REPS1: variants seen among roughly 807,000 people sequenced by gnomAD.
REPS1 encodes RALBP1 associated Eps domain containing 1, also known as ralBP1-associated Eps domain-containing protein 1.
In REPS1, 39 loss-of-function variants were observed where a neutral mutation model predicts 100.9. The ratio of observed to expected loss-of-function variants is 0.39; its 90% confidence interval spans 0.30 to 0.50. REPS1 has a LOEUF of 0.50. Ranked by LOEUF, REPS1 falls within the 20% of genes least tolerant of loss-of-function variation. REPS1 has a pLI of 0.86. For missense variants in REPS1, 821 were observed against 968.5 expected (o/e 0.85, Z 2.02); for synonymous variants, 324 against 340.3 (o/e 0.95, Z 0.53).
At chr6:138,923,854 T>G (rs775390423) in intron 10 of REPS1, among the ~76,000 whole-genome samples, 6 of 152,234 alleles carry the variant, frequency 3.9e-5, no homozygotes, top group Non-Finnish European at 7.3e-5. Flanking sequence ...TAGTTTCTTT[T>G]TAATAGTCTG....
chr6:138,945,227 G>A lies in REPS1; in HGVS notation c.620C>T (p.Ala207Val). The stretch of plus-strand genomic sequence containing the variant: ...AATCAATCTCTAAATACCTGATTGT[G>A]CTTCACCAAAGGGAGACCAAAATGG... ...PGPFWSPFGE[A>V]QSGSSAGDAV... Residue 207 changes from alanine (A) to valine (V), a missense_variant, in exon 4 of 20, where the codon GCA (alanine) becomes GTA (valine). Around this residue, in one of 3 missense-constraint regions of REPS1, gnomAD observed 757 missense variants for 866.4 expected, o/e 0.87. Coordinates refer to ENST00000450536, the MANE Select transcript of REPS1 (RefSeq NM_001286611.2). 3.1e-6 allele frequency: 5 copies of A among 1,606,970 alleles called. No homozygotes were observed. The highest frequency in any genetic ancestry group is 4.2e-6 in the Non-Finnish European group (5 of 1,177,780).
intron 1 of REPS1, among the ~76,000 whole-genome samples, chr6:138,982,136 C>CA (rs918591011): frequency 6.6e-6 from 1 of 152,166 alleles, no homozygotes; most frequent in Non-Finnish European, 1.5e-5. Flanking sequence ...TCCAGAATAA[C>CA]AAACCTGAGA....
chr6:138,964,686 T>C (rs1489898532), intron 1 of REPS1, among the ~76,000 whole-genome samples: 1 of 152,022 alleles, frequency 6.6e-6, no homozygotes, highest in African/African-American at 2.4e-5. Flanking sequence ...ATTTCCTTTC[T>C]ATACAAGTAT....
chr6:138,982,295 A>C (rs1373277324), intron 1 of REPS1, among the ~76,000 whole-genome samples: 2 of 152,222 alleles, frequency 1.3e-5, no homozygotes, highest in Admixed American at 1.3e-4. Flanking sequence ...TTTCCCCATT[A>C]AATTTATGTG....
At chr6:138,964,401 G>A (rs893614291) in intron 1 of REPS1, among the ~76,000 whole-genome samples, 7 of 151,842 alleles carry the variant, frequency 4.6e-5, no homozygotes, top group Admixed American at 3.3e-4. Flanking sequence ...TATAGAACTT[G>A]AAAAATAAGA....
chr6:138,965,528 A>C, intron 1 of REPS1, among the ~76,000 whole-genome samples: 1 of 152,196 alleles, frequency 6.6e-6, no homozygotes. Context: ...AATAAAATTA[A>C]TTTGATCACT....
At chr6:138,941,536 C>A (rs1389846017) in intron 7 of REPS1, 47 bp from the exon 8 acceptor site, 2 of 1,527,682 alleles carry the variant, frequency 1.3e-6, no homozygotes, top group East Asian at 4.5e-5. Flanking sequence ...CGCTTTGGAT[C>A]CTTTTATTTC....
chr6:138,945,656 C>T lies in REPS1; in HGVS notation c.319G>A (p.Glu107Lys). The stretch of plus-strand genomic sequence containing the variant: ...GAGGCTGCATGGCGAGATTCCTGTT[C>T]ATTCTTTGAAGCAACAAATCTTGGC... The part of the protein sequence containing the change: ...PLPRFVASKN[E>K]QESRHAASYS... Residue 107 changes from glutamate (E) to lysine (K), a missense_variant, in exon 3 of 20, where the codon GAA (glutamate) becomes AAA (lysine). This residue lies in a region of REPS1 where 757 missense variants were observed against 866.4 expected (regional missense o/e 0.87). Transcript: ENST00000450536. 6.2e-7 allele frequency: 1 copy of T among 1,611,330 alleles called. No individual in the cohort carries two copies. Among genetic ancestry groups the T allele is most frequent in the Non-Finnish European group, 8.5e-7 (1 of 1,178,976 alleles).
Position 138,976,473 on chromosome 6 carries a change from C to T in REPS1, c.153+11057G>A, listed in dbSNP as rs144615194. 4.0e-3 allele frequency among the ~76,000 whole-genome samples: 602 copies of T among 152,272 alleles called. 5 individuals carry two copies. The highest frequency in any genetic ancestry group is 0.014 in the African/African-American group (566 of 41,554). ...CCCACAAAAAGATTCATGATAGTGA[C>T]GGTGATTATTCCAGTGGACAAAGCA... On this transcript the variant is annotated intron_variant, in intron 1 of 19. Transcript: ENST00000450536.
At chr6:138,973,997 T>G (rs1208901153) in intron 1 of REPS1, among the ~76,000 whole-genome samples, 1 of 152,138 alleles carries the variant, frequency 6.6e-6, no homozygotes, top group Admixed American at 6.5e-5. Flanking sequence ...CCTTGGAGCT[T>G]AGAAGATTCA....
chr6:138,963,332 G>A lies in REPS1; in HGVS notation c.154-15419C>T, dbSNP rs75305988. Among the ~76,000 whole-genome samples the A allele has an allele frequency of 3.9e-3, 595 of 152,062 alleles. 1 individual carries two copies. Among genetic ancestry groups the A allele is most frequent in the Non-Finnish European group, 6.4e-3 (437 of 67,978 alleles). ...TTATGTTAACCACACCACACATTCC[G>A]TACCCACATTCCCTTCCACTAAGCT... On this transcript the variant is annotated intron_variant, in intron 1 of 19. Transcript: ENST00000450536.
At chr6:138,913,223 G>T (rs1375805106) in intron 15 of REPS1, among the ~76,000 whole-genome samples, 2 of 152,004 alleles carry the variant, frequency 1.3e-5, no homozygotes, top group African/African-American at 4.8e-5. Flanking sequence ...GTACAATGAA[G>T]GAGAGGGTAG....
chr6:138,946,576 C>T (rs900220677), intron 2 of REPS1, among the ~76,000 whole-genome samples: 25 of 152,194 alleles, frequency 1.6e-4, no homozygotes, highest in African/African-American at 5.5e-4. Flanking sequence ...ATGTAAACTC[C>T]CAACACTAGA....
chr6:138,979,260 T>TGAC (rs952250326), intron 1 of REPS1, among the ~76,000 whole-genome samples: 1 of 150,246 alleles, frequency 6.7e-6, no homozygotes, highest in Non-Finnish European at 1.5e-5. Flanking sequence ...GTCAGGATCC[T>TGAC]GACCACTCCT....
intron 1 of REPS1, among the ~76,000 whole-genome samples, chr6:138,979,199 A>C (rs1395908990): frequency 1.7e-5 from 2 of 116,020 alleles, no homozygotes; most frequent in African/African-American, 4.6e-5. Flanking sequence ...AAAAAAAAAC[A>C]AAAAAAAAAA....
At chr6:138,985,889 C>T (rs1363527537) in intron 1 of REPS1, among the ~76,000 whole-genome samples, 1 of 152,236 alleles carries the variant, frequency 6.6e-6, no homozygotes, top group Non-Finnish European at 1.5e-5. Flanking sequence ...AACTCTTTCT[C>T]ACCTCAAAGA....
At chr6:138,953,666 G>A (rs1481105236) in intron 1 of REPS1, among the ~76,000 whole-genome samples, 9 of 136,094 alleles carry the variant, frequency 6.6e-5, no homozygotes, top group African/African-American at 2.1e-4. Flanking sequence ...TCACCCCAGG[G>A]AGGCTGGCTA....
intron 17 of REPS1, among the ~76,000 whole-genome samples, chr6:138,910,192 C>CACA: frequency 6.6e-6 from 1 of 152,100 alleles, no homozygotes; most frequent in African/African-American, 2.4e-5. Context: ...TGAGAGCTGG[C>CACA]TGTTTAAAGA....
chr6:138,946,598 T>C (rs1214681266), intron 2 of REPS1, among the ~76,000 whole-genome samples: 1 of 152,176 alleles, frequency 6.6e-6, no homozygotes, highest in Non-Finnish European at 1.5e-5. Context: ...GAATGATGTG[T>C]GGCAAACTAG....
Sources: allele counts gnomAD v4.1 joint callset (sites outside exome capture counted in the v4.1 genomes callset), GRCh38; gene constraint gnomAD v4.1.1; regional missense constraint gnomAD v4.1.1; transcripts MANE v1.5; gene names NCBI Gene and HGNC (gene_info 2026-07-23, HGNC 2026-07-21).